The following TPD52L1 variants were observed in gnomAD, a reference collection of about 807,000 sequenced individuals.
TPD52L1 encodes the protein tumor protein D53.
In TPD52L1, 18 loss-of-function variants were observed where a neutral mutation model predicts 28.7. The ratio of observed to expected loss-of-function variants is 0.63; its 90% CI spans 0.43 to 0.93. The LOEUF (loss-of-function observed/expected upper bound fraction) is 0.93. TPD52L1 is among the 40% of genes least tolerant of loss of function. The pLI is 0.00. For missense variants in TPD52L1, 203 were observed against 254.8 expected (o/e 0.80, Z 1.39); for synonymous variants, 75 against 88.8 (o/e 0.84, Z 0.88).
chr6:125,224,376 T>C (rs910559001), intron 2 of TPD52L1, among the ~76,000 whole-genome samples: 2 of 152,162 alleles, frequency 1.3e-5, no homozygotes, highest in African/African-American at 4.8e-5. Context: ...TTTGGCTCTT[T>C]CCTCTTCCTC....
intron 1 of TPD52L1, among the ~76,000 whole-genome samples, chr6:125,211,635 CA>C (rs1794522009): frequency 6.6e-6 from 1 of 152,142 alleles, no homozygotes; most frequent in African/African-American, 2.4e-5. Flanking sequence ...CCAGGAGAAC[CA>C]CTTTTAAACT....
In TPD52L1 at chr6:125,250,780, C is replaced by T. The variant is rs1205502897; in HGVS notation, c.386+2397C>T. ...TGGCTTTGTCTAGTATAGTGGATGG[C>T]CTATTTTCCAGGACTTCCAAACTTT... On this transcript the variant is annotated intron_variant, in intron 4 of 6. Transcript: ENST00000534000. Among the ~76,000 whole-genome samples the T allele has an allele frequency of 3.3e-5, 5 of 152,274 alleles. No individual in the cohort carries two copies. The East Asian group carries it at 9.7e-4, about 29-fold the overall frequency.
intron 1 of TPD52L1, among the ~76,000 whole-genome samples, chr6:125,165,099 T>TATATATATA (rs1185611851): frequency 4.9e-5 from 7 of 144,326 alleles, no homozygotes; most frequent in African/African-American, 1.6e-4. Flanking sequence ...TATATATATA[T>TATATATATA]TTTAACTGTA....
At chr6:125,161,319 A>G (rs1790510568) in intron 1 of TPD52L1, among the ~76,000 whole-genome samples, 2 of 152,222 alleles carry the variant, frequency 1.3e-5, no homozygotes. Flanking sequence ...TGATCTATCC[A>G]GACCACTCAA....
intron 3 of TPD52L1, among the ~76,000 whole-genome samples, chr6:125,229,940 A>G (rs1390867185): frequency 6.6e-6 from 1 of 152,056 alleles, no homozygotes; most frequent in Non-Finnish European, 1.5e-5. Context: ...ACAAAAAATC[A>G]GCTGGGTGTG....
In TPD52L1 at chr6:125,260,995, A is replaced by T. The variant is rs1562411076; in HGVS notation, c.487-1839A>T. The T allele has an allele frequency of 2.4e-3, 103 of 43,684 alleles. 6 individuals are homozygous for T. Among genetic ancestry groups the T allele is most frequent in the African/African-American group, 0.019 (101 of 5,406 alleles). 2.7% of individuals were successfully genotyped at this position (43,684 alleles called of 1,614,324 possible). A position where few individuals can be genotyped will look rare whatever the true frequency, so the allele number is the denominator to read the frequency against. On this transcript the variant is annotated intron_variant, in intron 6 of 6. Coordinates refer to ENST00000534000, the MANE Select transcript of TPD52L1 (RefSeq NM_003287.4). ...AAGAAAGAAAAGAAAAGAAAGAAAG[A>T]AAGAAAGAAAGAAAGAAAGAAAGAA...
At chr6:125,236,010 C>T (rs1465506642) in intron 3 of TPD52L1, among the ~76,000 whole-genome samples, 1 of 152,044 alleles carries the variant, frequency 6.6e-6, no homozygotes, top group African/African-American at 2.4e-5. Context: ...GAAAGCTGAC[C>T]CAACTCACCT....
intron 1 of TPD52L1, among the ~76,000 whole-genome samples, chr6:125,213,661 G>A (rs1251960211): frequency 1.3e-5 from 2 of 152,126 alleles, no homozygotes; most frequent in African/African-American, 4.8e-5. Context: ...TCCTATCCAT[G>A]GTTAACTGAC....
At chr6:125,223,882 T>C (rs1028958611) in intron 2 of TPD52L1, among the ~76,000 whole-genome samples, 3 of 152,154 alleles carry the variant, frequency 2.0e-5, no homozygotes, top group Non-Finnish European at 2.9e-5. Context: ...ATATTTATAA[T>C]TAGCTTGAGT....
intron 1 of TPD52L1, among the ~76,000 whole-genome samples, chr6:125,172,568 G>A: frequency 3.1e-5 from 2 of 65,460 alleles, no homozygotes; most frequent in African/African-American, 6.8e-5. Flanking sequence ...TATACTATAT[G>A]GCATGAAATT....
intron 1 of TPD52L1, chr6:125,208,896 C>A (rs1466859088): frequency 1.0e-6 from 1 of 985,216 alleles, no homozygotes; most frequent in Non-Finnish European, 1.2e-6. Flanking sequence ...ACCTTTCAAT[C>A]CCTAGGGCAG....
intron 5 of TPD52L1, among the ~76,000 whole-genome samples, chr6:125,254,447 C>T (rs992620220): frequency 9.9e-5 from 15 of 152,274 alleles, no homozygotes; most frequent in Non-Finnish European, 1.8e-4. Flanking sequence ...GGGAAAATCA[C>T]CTCAATGGTA....
chr6:125,238,438 T>C (rs1313865130), intron 3 of TPD52L1, among the ~76,000 whole-genome samples: 1 of 152,164 alleles, frequency 6.6e-6, no homozygotes, highest in Non-Finnish European at 1.5e-5. Context: ...ATTTCTGAAA[T>C]TTTGATGCAC....
chr6:125,204,887 G>A (rs1207495481), intron 1 of TPD52L1, among the ~76,000 whole-genome samples: 1 of 152,220 alleles, frequency 6.6e-6, no homozygotes, highest in Non-Finnish European at 1.5e-5. Context: ...CAAGGAAGCA[G>A]TGATACGAAG....
chr6:125,249,155 A>G (rs1037212605), intron 4 of TPD52L1, among the ~76,000 whole-genome samples: 3 of 150,958 alleles, frequency 2.0e-5, no homozygotes, highest in Non-Finnish European at 4.4e-5. Context: ...ATTATATACC[A>G]TATTATATAG....
chr6:125,170,220 T>C (rs1288566233), intron 1 of TPD52L1, among the ~76,000 whole-genome samples: 3 of 151,980 alleles, frequency 2.0e-5, no homozygotes, highest in South Asian at 2.1e-4. Context: ...CTCACAGCAA[T>C]AGCAGTAGCC....
intron 3 of TPD52L1, among the ~76,000 whole-genome samples, chr6:125,242,619 C>T (rs1304929421): frequency 1.3e-5 from 2 of 152,124 alleles, no homozygotes; most frequent in African/African-American, 2.4e-5. Flanking sequence ...CTCCTGCTCA[C>T]TTTTAGTTTC....
chr6:125,206,744 G>T (rs891776428), intron 1 of TPD52L1, among the ~76,000 whole-genome samples: 2 of 152,100 alleles, frequency 1.3e-5, no homozygotes, highest in Non-Finnish European at 2.9e-5. Flanking sequence ...TTTTGAACAG[G>T]GTTTTGGCAT....
intron 1 of TPD52L1, among the ~76,000 whole-genome samples, chr6:125,172,512 CTATA>C (rs60135828): frequency 0.017 from 278 of 16,384 alleles, 4 homozygotes; most frequent in East Asian, 0.044. Flanking sequence ...CTCTTTCATG[CTATA>C]TATATATATA....
Sources: gnomAD v4.1 joint callset for allele counts (sites outside exome capture counted in the v4.1 genomes callset) on GRCh38, gnomAD v4.1.1 for gene constraint, MANE v1.5 for transcripts, NCBI Gene and HGNC (gene_info 2026-07-23, HGNC 2026-07-21) for gene names.